NUGGC: variants seen among roughly 807,000 people sequenced by gnomAD.
The protein encoded by NUGGC is nuclear GTPase SLIP-GC.
NUGGC carries 58 observed loss-of-function variants against 92.6 expected under a neutral mutation model. The observed-to-expected ratio is 0.63, with a 90% CI of 0.51 to 0.78. The LOEUF is 0.78. Among genes scored for constraint, NUGGC ranks in the 30% least tolerant of loss-of-function variants. The pLI, the probability that NUGGC is intolerant of heterozygous loss-of-function variation, is 0.00. For synonymous variants in NUGGC, 376 were observed against 366.4 expected, an observed-to-expected ratio of 1.03 and a Z score of -0.30; for missense variants, 925 against 964.6, an observed-to-expected ratio of 0.96 and a Z score of 0.54.
chr8:28,069,591 C>A lies in NUGGC; in HGVS notation c.210G>T (p.Gln70His). 6.2e-7 allele frequency: 1 copy of A among 1,611,858 alleles called. No individual in the cohort carries two copies. Residue 70 changes from glutamine to histidine, a missense_variant, in exon 4 of 19, where the codon CAG becomes CAT. By Grantham distance (24) the Gln-to-His change is conservative (BLOSUM62 0). Transcript: ENST00000413272. ...GGATGCTGTCATCCAGGAAGACAGA[C>A]TGAATAAGTTTCTGATAAGTGTTGC... ...VLSNTYQKLIQSVFLDDSIPN... is the reference protein window; with the variant it reads ...VLSNTYQKLIHSVFLDDSIPN...
intron 11 of NUGGC, among the ~76,000 whole-genome samples, chr8:28,047,039 T>C (rs13264773): frequency 0.32 from 47,955 of 150,548 alleles, 7,755 homozygotes; most frequent in East Asian, 0.45. Flanking sequence ...GGCGCAATCT[T>C]GGCTCACTGC....
chr8:28,046,230 C>A, intron 11 of NUGGC, among the ~76,000 whole-genome samples: 1 of 152,122 alleles, frequency 6.6e-6, no homozygotes, highest in East Asian at 1.9e-4. Context: ...TTATTCCTTC[C>A]ATATACCATG....
chr8:28,055,955 A>T lies in NUGGC; in HGVS notation c.1206+10T>A. The T allele has an allele frequency of 7.1e-7, 1 of 1,403,768 alleles. No individual in the cohort carries two copies. The highest frequency in any genetic ancestry group is 1.2e-5 in the South Asian group (1 of 80,186). The allele number at this position is 1,403,768 out of a possible 1,614,324, so 87.0% of individuals were successfully genotyped here. A position where few individuals can be genotyped will look rare whatever the true frequency, so the allele number is the denominator to read the frequency against. On this transcript the variant is annotated intron_variant, in intron 10 of 18. Transcript: ENST00000413272. ...TACAGAAAAACACATAGAGAAACCT[A>T]TTAACTCACCTTCAGTTTTTCCTTG...
chr8:28,054,613 A>G (rs961366365), intron 10 of NUGGC, among the ~76,000 whole-genome samples: 2 of 152,202 alleles, frequency 1.3e-5, no homozygotes, highest in Non-Finnish European at 2.9e-5. Context: ...ACTCCCTCTC[A>G]CACTCTCCCT....
intron 10 of NUGGC, 84 bp downstream of exon 10, chr8:28,055,881 C>A: frequency 1.4e-6 from 1 of 732,696 alleles, no homozygotes; most frequent in Admixed American, 2.8e-5. Flanking sequence ...GCCCTTGCAA[C>A]TACACAATAC....
chr8:28,047,638 A>G lies in NUGGC; in HGVS notation c.1207-26T>C, dbSNP rs777761150. The G allele has an allele frequency of 6.4e-6, 9 of 1,407,104 alleles. No homozygotes were observed. The South Asian group carries it at 7.5e-5, about 12-fold the overall frequency. The allele number at this position is 1,407,104 out of a possible 1,614,324, so 87.2% of individuals were successfully genotyped here. ...CTGAAGTGAGAGAGTCACACAGAAAACAGAATAACTCAAACCATAGCAAAG... is the reference window on the plus strand; with the variant it reads ...CTGAAGTGAGAGAGTCACACAGAAAGCAGAATAACTCAAACCATAGCAAAG... On this transcript the variant is annotated intron_variant, in intron 10 of 18. Coordinates refer to ENST00000413272, the MANE Select transcript of NUGGC (RefSeq NM_001010906.2).
chr8:28,029,116 G>T, intron 17 of NUGGC, 150 bp downstream of exon 17: 1 of 713,950 alleles, frequency 1.4e-6, no homozygotes. Context: ...AGAGAGTGTT[G>T]GAAGACTGCA....
chr8:28,061,343 T>G (rs770681023), intron 7 of NUGGC, among the ~76,000 whole-genome samples: 4 of 152,218 alleles, frequency 2.6e-5, no homozygotes, highest in Non-Finnish European at 5.9e-5. Context: ...TATGCAACTT[T>G]CACATGACGA....
At chr8:28,028,076 A>T (rs1026679852) in intron 17 of NUGGC, among the ~76,000 whole-genome samples, 4 of 152,122 alleles carry the variant, frequency 2.6e-5, no homozygotes, top group African/African-American at 9.7e-5. Context: ...AAAAAAAAAA[A>T]ATCACAGAAT....
intron 2 of NUGGC, among the ~76,000 whole-genome samples, chr8:28,070,773 G>A (rs1461361741): frequency 1.3e-5 from 2 of 150,878 alleles, no homozygotes; most frequent in Non-Finnish European, 3.0e-5. Flanking sequence ...TTTTTGTAGA[G>A]ACAGTGTTTC....
intron 6 of NUGGC, among the ~76,000 whole-genome samples, chr8:28,065,736 A>G (rs1810424674): frequency 6.6e-6 from 1 of 152,234 alleles, no homozygotes; most frequent in South Asian, 2.1e-4. Context: ...TGAAAGAAAG[A>G]TAAGAATGTC....
chr8:28,031,380 T>C lies in NUGGC; in HGVS notation c.1771A>G (p.Thr591Ala). The change falls in exon 15 of 19, where the codon ACG (threonine) becomes GCG (alanine). Residue 591 changes from threonine (T) to alanine (A), a missense_variant and splice_region_variant. By Grantham distance (58) the Thr-to-Ala change is moderately conservative. Transcript: ENST00000413272. Reference sequence around the variant, plus strand: ...AGAGCTGAACCAGTGGGCTTCCCCGTCCTACGGAAGAAAGTGACAAAAAAG... The same window carrying C: ...AGAGCTGAACCAGTGGGCTTCCCCGCCCTACGGAAGAAAGTGACAAAAAAG... Reference protein sequence around the residue: ...IDPVFGSIFRTGKPTGSALMP... With the variant: ...IDPVFGSIFRAGKPTGSALMP... The C allele has an allele frequency of 6.2e-7, 1 of 1,613,150 alleles. No individual in the cohort carries two copies. The highest frequency in any genetic ancestry group is 8.5e-7 in the Non-Finnish European group (1 of 1,179,352).
intron 13 of NUGGC, among the ~76,000 whole-genome samples, chr8:28,036,316 C>T (rs955761087): frequency 2.0e-5 from 3 of 152,150 alleles, no homozygotes; most frequent in African/African-American, 7.2e-5. Flanking sequence ...CTCTGCCCCT[C>T]CCCTGCCCCT....
At chr8:28,026,648 C>T (rs1440568395) in intron 18 of NUGGC, among the ~76,000 whole-genome samples, 1 of 152,152 alleles carries the variant, frequency 6.6e-6, no homozygotes, top group Non-Finnish European at 1.5e-5. Flanking sequence ...CAAAATGGAG[C>T]AACAACATCT....
intron 5 of NUGGC, 54 bp from the exon 6 acceptor site, chr8:28,067,798 G>A (rs193261043): frequency 1.4e-5 from 19 of 1,392,700 alleles, no homozygotes; most frequent in African/African-American, 4.3e-5. Context: ...AGAGAACACC[G>A]ACAAACAGAG....
At chr8:28,056,701 A>G (rs1810150459) in intron 9 of NUGGC, among the ~76,000 whole-genome samples, 1 of 152,180 alleles carries the variant, frequency 6.6e-6, no homozygotes, top group Admixed American at 6.5e-5. Context: ...TATATTTGAT[A>G]ATGTACTACC....
chr8:28,070,749 T>G (rs926918696), intron 2 of NUGGC, among the ~76,000 whole-genome samples: 4 of 150,940 alleles, frequency 2.7e-5, no homozygotes, highest in African/African-American at 7.3e-5. Context: ...GCACACACCA[T>G]CACACCTGGC....
chr8:28,040,314 G>GT (rs1455665147), intron 13 of NUGGC, among the ~76,000 whole-genome samples: 16 of 152,290 alleles, frequency 1.1e-4, no homozygotes, highest in African/African-American at 3.6e-4. Flanking sequence ...TATGCCAATT[G>GT]AGAGGTTACA....
intron 13 of NUGGC, among the ~76,000 whole-genome samples, chr8:28,035,700 C>T (rs1433002500): frequency 3.3e-5 from 5 of 152,142 alleles, no homozygotes; most frequent in African/African-American, 7.2e-5. Flanking sequence ...CCTGATTCAA[C>T]GTGGGGGAGA....
Sources: gnomAD v4.1 joint callset for allele counts (sites outside exome capture counted in the v4.1 genomes callset) on GRCh38, gnomAD v4.1.1 for gene constraint, MANE v1.5 for transcripts, NCBI Gene and HGNC (gene_info 2026-07-23, HGNC 2026-07-21) for gene names.